The following SLC11A2 variants were observed in gnomAD, a reference collection of about 807,000 sequenced individuals.
SLC11A2 encodes solute carrier family 11 member 2, also known as natural resistance-associated macrophage protein 2.
In SLC11A2, 38 loss-of-function variants were observed where a neutral mutation model predicts 68.0. The ratio of observed to expected loss-of-function variants is 0.56; its 90% CI spans 0.43 to 0.73. The LOEUF is 0.73. SLC11A2 is among the 30% of genes least tolerant of loss of function. SLC11A2 has a pLI of 0.00. For synonymous variants in SLC11A2, 242 were observed against 250.6 expected, an observed-to-expected ratio of 0.97 and a Z score of 0.32; for missense variants, 517 against 690.5, an observed-to-expected ratio of 0.75 and a Z score of 2.82.
chr12:51,021,916 C>G (rs1321942833), intron 1 of SLC11A2, among the ~76,000 whole-genome samples: 1 of 152,086 alleles, frequency 6.6e-6, no homozygotes, highest in African/African-American at 2.4e-5. Flanking sequence ...GAGTACTTAT[C>G]TTTTAAACAA....
Position 51,004,879 on chromosome 12 carries a change from A to G in SLC11A2, c.338T>C (p.Leu113Pro). ...KLLWILLLAT[L>P]VGLLLQRLAA... ...AAGCCGCTGGAGCAGCAGCCCCACA[A>G]GGGTGGCCAACAGAAGGATCCAGAG... The change falls in exon 5 of 16, where the codon CTT becomes CCT. Residue 113 changes from leucine to proline, a missense_variant. Transcript: ENST00000262052. 1 of 1,614,164 alleles carries G rather than the reference A, an allele frequency of 6.2e-7. No individual in the cohort carries two copies. Among genetic ancestry groups the G allele is most frequent in the Non-Finnish European group, 8.5e-7 (1 of 1,180,008 alleles).
the SLC11A2 span, among the ~76,000 whole-genome samples, chr12:50,961,409 A>G: frequency 6.6e-6 from 1 of 152,196 alleles, no homozygotes; most frequent in Non-Finnish European, 1.5e-5. Flanking sequence ...TGGATAGATC[A>G]CAGCCTATAT....
intron 11 of SLC11A2, among the ~76,000 whole-genome samples, chr12:50,994,092 G>A (rs1162583743): frequency 6.7e-6 from 1 of 149,818 alleles, no homozygotes; most frequent in Non-Finnish European, 1.5e-5. Flanking sequence ...CCAGGCTGGA[G>A]TGCAGTGGCC....
chr12:51,017,360 C>G (rs139043250), intron 1 of SLC11A2, among the ~76,000 whole-genome samples: 1 of 152,072 alleles, frequency 6.6e-6, no homozygotes, highest in African/African-American at 2.4e-5. Context: ...TACATGTTGT[C>G]AAGTCAAAAG....
upstream of SLC11A2, chr12:51,028,661 G>A (rs1020059057): frequency 3.7e-5 from 6 of 162,810 alleles, no homozygotes; most frequent in Admixed American, 6.2e-5. Flanking sequence ...TCTGAGACGT[G>A]AGGTGAAACC....
the SLC11A2 span, among the ~76,000 whole-genome samples, chr12:50,957,937 GGTGTGT>G: frequency 0.03 from 4,032 of 132,438 alleles, 102 homozygotes; most frequent in East Asian, 0.092. Context: ...ATGAATTGGA[GGTGTGT>G]GTGTGTGTGT....
At chr12:50,957,911 A>G in the SLC11A2 span, among the ~76,000 whole-genome samples, 3 of 149,648 alleles carry the variant, frequency 2.0e-5, no homozygotes, top group Non-Finnish European at 1.5e-5. Flanking sequence ...ACAAAAATGG[A>G]GAGACTACTG....
At chr12:50,981,589 C>T (rs1003361495), downstream of SLC11A2, 35 of 670,238 alleles carry the variant, frequency 5.2e-5, no homozygotes, top group African/African-American at 5.5e-4. Flanking sequence ...GAACACCCTT[C>T]CCATGAGGAA....
At chr12:50,996,392 T>G (rs952518056) in intron 9 of SLC11A2, among the ~76,000 whole-genome samples, 1 of 152,086 alleles carries the variant, frequency 6.6e-6, no homozygotes, top group African/African-American at 2.4e-5. Flanking sequence ...CTGGCCAACA[T>G]GGTGAAACCA....
intron 1 of SLC11A2, among the ~76,000 whole-genome samples, chr12:51,019,644 C>CTTTT (rs767266753): frequency 2.9e-5 from 4 of 135,746 alleles, no homozygotes; most frequent in African/African-American, 8.2e-5. Context: ...ATCCATCCAA[C>CTTTT]TTTTTTTTTT....
intron 3 of SLC11A2, chr12:51,005,666 C>A: frequency 1.5e-6 from 2 of 1,355,248 alleles, no homozygotes; most frequent in South Asian, 1.2e-5. Context: ...CAGGTTCCAT[C>A]AGCCTCTTAT....
At chr12:50,992,985 T>C (rs891875480) in intron 11 of SLC11A2, 56 bp from the exon 12 acceptor site, 6 of 1,607,148 alleles carry the variant, frequency 3.7e-6, no homozygotes, top group Admixed American at 1.7e-5. Context: ...TCAGACAATA[T>C]CCAAAACAGC....
chr12:51,009,561 T>C (rs1002532336), intron 2 of SLC11A2, among the ~76,000 whole-genome samples: 1 of 152,210 alleles, frequency 6.6e-6, no homozygotes, highest in Non-Finnish European at 1.5e-5. Context: ...TCATATCATC[T>C]TAATTAAGCA....
At chr12:50,954,080 T>A in the SLC11A2 span, 1 of 1,605,990 alleles carries the variant, frequency 6.2e-7, no homozygotes, top group East Asian at 2.2e-5. Flanking sequence ...AGACTCCCCC[T>A]TTGTCCCTAT....
chr12:51,004,861 TG>T lies in SLC11A2; in HGVS notation c.355del (p.Gln119SerfsTer33). On this transcript the variant is annotated frameshift_variant, in exon 5 of 16. Coordinates refer to ENST00000262052, the MANE Select transcript of SLC11A2 (RefSeq NM_000617.3). LOFTEE classifies it high-confidence loss of function. ...LLATLVGLLL[Q>X]RLAARLGVVT... ...CACTCCCAGTCTAGCTGCAAGCCGC[TG>T]GAGCAGCAGCCCCACAAGGGTGGCC... is the stretch of plus-strand genomic sequence containing the variant. The T allele has an allele frequency of 6.2e-7, 1 of 1,614,166 alleles. No individual in the cohort carries two copies. The highest frequency in any genetic ancestry group is 1.1e-5 in the South Asian group (1 of 91,080).
chr12:50,988,346 G>A lies in SLC11A2; in HGVS notation c.1665C>T (p.Ala555=). 1 of 1,614,006 alleles carries A rather than the reference G, an allele frequency of 6.2e-7. No homozygotes were observed. The highest frequency in any genetic ancestry group is 8.5e-7 in the Non-Finnish European group (1 of 1,179,910). The change falls in exon 16 of 16, where the codon GCC becomes GCT. Residue 555 remains alanine (A), a synonymous_variant. Coordinates refer to ENST00000262052, the MANE Select transcript of SLC11A2 (RefSeq NM_000617.3). ...SISKGLLTEE[A]TRGYVK ...AGTGTTATTTAACGTAGCCACGGGT[G>A]GCTTCTTCTGTCAGCAGGCCTTTAG...
At chr12:50,973,865 G>A in the SLC11A2 span, among the ~76,000 whole-genome samples, 21 of 152,126 alleles carry the variant, frequency 1.4e-4, no homozygotes, top group Admixed American at 1.0e-3. Context: ...TAGCTGATTC[G>A]ATCAACTAGA....
intron 5 of SLC11A2, among the ~76,000 whole-genome samples, chr12:51,001,782 T>C (rs1034194795): frequency 1.1e-4 from 17 of 151,812 alleles, no homozygotes; most frequent in Non-Finnish European, 2.2e-4. Flanking sequence ...TGCAGTGAGC[T>C]ATGATCATGC....
intron 9 of SLC11A2, 41 bp downstream of exon 9, chr12:50,996,776 T>A (rs1480893600): frequency 6.2e-7 from 1 of 1,601,116 alleles, no homozygotes; most frequent in Admixed American, 1.7e-5. Flanking sequence ...AAAGATCCCA[T>A]GAACTGTCTA....
Sources: gnomAD v4.1 joint callset for allele counts (sites outside exome capture counted in the v4.1 genomes callset) on GRCh38, gnomAD v4.1.1 for gene constraint, MANE v1.5 for transcripts, NCBI Gene and HGNC (gene_info 2026-07-23, HGNC 2026-07-21) for gene names.